The following NIPA1 variants were observed in gnomAD, a reference collection of about 807,000 sequenced individuals.
NIPA1 encodes the protein magnesium transporter NIPA1.
In NIPA1, 13 loss-of-function variants were observed where a neutral mutation model predicts 23.9. The observed-to-expected ratio is 0.54, with a 90% confidence interval of 0.35 to 0.87. NIPA1 has a LOEUF of 0.87. Among genes scored for constraint, NIPA1 ranks in the 40% least tolerant of loss-of-function variants. The pLI, the probability that NIPA1 is intolerant of heterozygous loss-of-function variation, is 0.01. For missense variants in NIPA1, 362 were observed against 429.7 expected, an observed-to-expected ratio of 0.84 and a Z score of 1.39; for synonymous variants, 234 against 202.9, an observed-to-expected ratio of 1.15 and a Z score of -1.30.
At chr15:22,812,106 C>G in intron 2 of NIPA1, 57 bp from the exon 3 acceptor site, 1 of 1,248,956 alleles carries the variant, frequency 8.0e-7, no homozygotes, top group Non-Finnish European at 1.2e-6. Flanking sequence ...CAACTGTGAT[C>G]AGTGCTGGAA....
chr15:22,823,894 C>T lies in NIPA1; in HGVS notation c.645C>T (p.Asp215=). The T allele has an allele frequency of 6.2e-7, 1 of 1,614,204 alleles. No individual in the cohort carries two copies. The highest frequency in any genetic ancestry group is 8.5e-7 in the Non-Finnish European group (1 of 1,180,000). ...AGGGCATCGGGCTGGCGGCCCAAGA[C>T]ATCTTGCATAACAACCCGTCCAGTC... ...STKGIGLAAQ[D]ILHNNPSSQR... The change falls in exon 5 of 5, where the codon GAC becomes GAT. Residue 215 remains aspartate, a synonymous_variant. Coordinates refer to ENST00000337435, the MANE Select transcript of NIPA1 (RefSeq NM_144599.5).
intron 1 of NIPA1, among the ~76,000 whole-genome samples, chr15:22,800,476 C>T (rs1175619231): frequency 6.6e-6 from 1 of 152,200 alleles, no homozygotes; most frequent in East Asian, 1.9e-4. Context: ...GGTGGTACAG[C>T]TCTTTATCAT....
intron 1 of NIPA1, among the ~76,000 whole-genome samples, chr15:22,788,734 A>G (rs1894764670): frequency 6.6e-6 from 1 of 151,432 alleles, no homozygotes; most frequent in Admixed American, 6.6e-5. Context: ...TGAATAGGAA[A>G]ATAAACAAGC....
At chr15:22,802,386 T>G (rs1204731795) in intron 1 of NIPA1, among the ~76,000 whole-genome samples, 1 of 93,742 alleles carries the variant, frequency 1.1e-5, no homozygotes. Flanking sequence ...AGTGAGACTC[T>G]GTCTCAAAAA....
chr15:22,823,302 C>A (rs547547077), intron 4 of NIPA1, among the ~76,000 whole-genome samples: 1 of 151,530 alleles, frequency 6.6e-6, no homozygotes, highest in Non-Finnish European at 1.5e-5. Flanking sequence ...GCAACCTCCA[C>A]CCCCTAGGTT....
At chr15:22,821,755 C>T (rs1443943502) in intron 4 of NIPA1, among the ~76,000 whole-genome samples, 3 of 152,020 alleles carry the variant, frequency 2.0e-5, no homozygotes, top group Non-Finnish European at 4.4e-5. Flanking sequence ...TGTCCACACT[C>T]TCTGGTTTGC....
intron 1 of NIPA1, 69 bp from the exon 2 acceptor site, chr15:22,810,679 GT>G (rs1895299827): frequency 4.4e-6 from 4 of 908,642 alleles, no homozygotes; most frequent in Non-Finnish European, 5.6e-6. Flanking sequence ...TTTCTCGCTT[GT>G]AAACCTCTTC....
intron 3 of NIPA1, 100 bp downstream of exon 3, chr15:22,812,353 T>G: frequency 1.2e-6 from 1 of 864,928 alleles, no homozygotes; most frequent in Admixed American, 2.0e-5. Context: ...AAAATTGTAA[T>G]AGAAGATAGA....
chr15:22,797,847 ATT>A (rs33968720), intron 1 of NIPA1, among the ~76,000 whole-genome samples: 18 of 134,028 alleles, frequency 1.3e-4, no homozygotes, highest in African/African-American at 4.5e-4. Context: ...TTCAAAACCG[ATT>A]TTTTTTTTTT....
intron 3 of NIPA1, among the ~76,000 whole-genome samples, chr15:22,813,473 T>C (rs907763019): frequency 6.6e-6 from 1 of 152,054 alleles, no homozygotes; most frequent in African/African-American, 2.4e-5. Context: ...ACTGCGAAAA[T>C]GATTGATGAG....
chr15:22,789,681 A>G (rs993150957), intron 1 of NIPA1, among the ~76,000 whole-genome samples: 1 of 152,186 alleles, frequency 6.6e-6, no homozygotes, highest in African/African-American at 2.4e-5. Flanking sequence ...AAAGTATGTT[A>G]CCAGTGGGGA....
chr15:22,803,086 A>G (rs1895120606), intron 1 of NIPA1, among the ~76,000 whole-genome samples: 1 of 151,976 alleles, frequency 6.6e-6, no homozygotes, highest in Non-Finnish European at 1.5e-5. Flanking sequence ...CCTCTCCAGT[A>G]GCTGGGATTA....
chr15:22,816,225 T>A (rs1469687116), intron 3 of NIPA1, among the ~76,000 whole-genome samples: 2 of 134,978 alleles, frequency 1.5e-5, no homozygotes, highest in African/African-American at 5.7e-5. Flanking sequence ...AGTCTCACTC[T>A]GTCACCAGGC....
intron 1 of NIPA1, among the ~76,000 whole-genome samples, chr15:22,804,455 TTTG>T (rs1349351504): frequency 1.3e-5 from 2 of 152,124 alleles, no homozygotes; most frequent in Admixed American, 6.6e-5. Context: ...AATGTTTAGT[TTTG>T]TTGAAGTCTA....
intron 1 of NIPA1, among the ~76,000 whole-genome samples, chr15:22,803,669 C>T (rs1205217707): frequency 2.3e-5 from 3 of 133,312 alleles, no homozygotes; most frequent in Non-Finnish European, 3.1e-5. Context: ...CTACCGGGCC[C>T]GGCTAATTTT....
At chr15:22,820,865 G>A (rs562015862) in intron 4 of NIPA1, among the ~76,000 whole-genome samples, 1 of 151,874 alleles carries the variant, frequency 6.6e-6, no homozygotes, top group East Asian at 1.9e-4. Context: ...CTCCACCTCA[G>A]CACTTCACTC....
chr15:22,806,371 T>C (rs1279344660), intron 1 of NIPA1, among the ~76,000 whole-genome samples: 4 of 152,218 alleles, frequency 2.6e-5, no homozygotes, highest in Non-Finnish European at 5.9e-5. Context: ...TTCTTTGTTT[T>C]ATAGTTTAGC....
intron 1 of NIPA1, 22 bp downstream of exon 1, chr15:22,786,856 A>AGGCGGCG: frequency 4.3e-6 from 1 of 232,876 alleles, no homozygotes; most frequent in Non-Finnish European, 7.4e-6. Context: ...GGCAGGCGGC[A>AGGCGGCG]GGCGGCGGGC....
chr15:22,805,887 A>G (rs906730279), intron 1 of NIPA1, among the ~76,000 whole-genome samples: 2 of 152,078 alleles, frequency 1.3e-5, no homozygotes, highest in South Asian at 2.1e-4. Context: ...CTATATTTTT[A>G]TACTATAAAG....
Sources: allele counts gnomAD v4.1 joint callset (sites outside exome capture counted in the v4.1 genomes callset), GRCh38; gene constraint gnomAD v4.1.1; transcripts MANE v1.5; gene names NCBI Gene and HGNC (gene_info 2026-07-23, HGNC 2026-07-21).